Variants in ROCK2 observed in about 807,000 individuals in gnomAD.
ROCK2 encodes the protein Rho associated coiled-coil containing protein kinase 2, also known as rho-associated protein kinase 2.
In ROCK2, 61 loss-of-function variants were observed where a neutral mutation model predicts 195.1. That is an observed-to-expected ratio of 0.31 (90% CI 0.25 to 0.39). ROCK2 has a LOEUF of 0.39. Among genes scored for constraint, ROCK2 ranks in the 10% least tolerant of loss-of-function variants. The probability of loss-of-function intolerance (pLI) is 1.00; values close to 1 mark genes in which losing one functional copy is unlikely to be tolerated. For missense variants in ROCK2, 1,109 were observed against 1,637.4 expected (o/e 0.68, Z 5.57); for synonymous variants, 504 against 545.5 (o/e 0.92, Z 1.06).
intron 19 of ROCK2, 47 bp downstream of exon 19, chr2:11,208,240 A>AACTTC (rs4027164): frequency 8.7e-7 from 1 of 1,147,936 alleles, no homozygotes; most frequent in Non-Finnish European, 1.1e-6. Flanking sequence ...GAATAAACCT[A>AACTTC]TTAATTCATT....
Position 11,287,956 on chromosome 2 carries a change from C to T in ROCK2, c.142-220G>A, listed in dbSNP as rs138588276. Among the ~76,000 whole-genome samples, 1,076 of 152,230 alleles carry T rather than the reference C, an allele frequency of 7.1e-3. 15 individuals carry two copies. Among genetic ancestry groups the T allele is most frequent in the African/African-American group, 0.025 (1,018 of 41,536 alleles). The stretch of plus-strand genomic sequence containing the variant: ...CCTATCATGTTTTCCTGTGTTCTTT[C>T]GGCCAATGGAAAAATGTAATTTCAA... On this transcript the variant is annotated intron_variant, in intron 1 of 32. Coordinates refer to ENST00000315872, the MANE Select transcript of ROCK2 (RefSeq NM_004850.5).
chr2:11,286,755 A>G, intron 2 of ROCK2, 116 bp from the exon 3 acceptor site: 1 of 584,950 alleles, frequency 1.7e-6, no homozygotes, highest in Non-Finnish European at 2.8e-6. Context: ...TAAACTTGCC[A>G]GTTTTTAAAG....
In ROCK2 at chr2:11,183,238, T is replaced by C. The variant is rs1003060064; in HGVS notation, c.*199A>G. The C allele has an allele frequency of 6.0e-6, 3 of 497,632 alleles. No homozygotes were observed. The African/African-American group carries it at 6.1e-5, about 10-fold the overall frequency. 30.8% of individuals were successfully genotyped at this position (497,632 alleles called of 1,614,324 possible). ...TAGTCTATCAACCAATCATTGTTGG[T>C]TCAACCTGTTGCTTCAAAGGAGCCC... On this transcript the variant is annotated 3_prime_UTR_variant, in exon 33 of 33. Transcript: ENST00000315872.
At chr2:11,249,329 A>G (rs906149178) in intron 4 of ROCK2, among the ~76,000 whole-genome samples, 2 of 152,196 alleles carry the variant, frequency 1.3e-5, no homozygotes, top group Admixed American at 6.5e-5. Flanking sequence ...CAGATGATTC[A>G]ATGAATTTAC....
At position 11,287,751 on chromosome 2, in the gene ROCK2, A is replaced by G; in HGVS notation, c.142-15T>C. 1 of 1,108,042 alleles carries G rather than the reference A, an allele frequency of 9.0e-7. No homozygotes were observed. 68.6% of individuals were successfully genotyped at this position (1,108,042 alleles called of 1,614,324 possible). ...TTTAAGCCATCCTGTTAAGAAATAA[A>G]AAGAGGAAATGACAGTTTTTACAAT... On this transcript the variant is annotated splice_polypyrimidine_tract_variant and intron_variant, in intron 1 of 32. Transcript: ENST00000315872.
intron 2 of ROCK2, 75 bp from the exon 3 acceptor site, chr2:11,286,714 A>G (rs890875437): frequency 1.4e-5 from 13 of 919,928 alleles, no homozygotes; most frequent in Non-Finnish European, 2.1e-5. Flanking sequence ...TTATAAATAT[A>G]TTTTTGTTTC....
intron 1 of ROCK2, among the ~76,000 whole-genome samples, chr2:11,334,200 C>T (rs934567870): frequency 6.6e-6 from 1 of 152,128 alleles, no homozygotes; most frequent in African/African-American, 2.4e-5. Context: ...GATATTTCTA[C>T]AGGTTATCAC....
intron 1 of ROCK2, among the ~76,000 whole-genome samples, chr2:11,299,851 G>A (rs1478830893): frequency 6.6e-6 from 1 of 152,162 alleles, no homozygotes; most frequent in Non-Finnish European, 1.5e-5. Context: ...TTACCCAGGA[G>A]GCAACAGTTC....
At chr2:11,198,449 G>T in intron 25 of ROCK2, 42 bp downstream of exon 25, 1 of 1,349,732 alleles carries the variant, frequency 7.4e-7, no homozygotes, top group Middle Eastern at 2.5e-4. Context: ...GAGATAAACT[G>T]AGACAAAATT....
At position 11,192,431 on chromosome 2, in the gene ROCK2, G is replaced by A. The variant is rs200299225; in HGVS notation, c.3949+20C>T. The A allele has an allele frequency of 3.1e-6, 5 of 1,612,148 alleles. No individual in the cohort carries two copies. The highest frequency in any genetic ancestry group is 2.2e-5 in the East Asian group (1 of 44,860). ...TCTGAACATAACCAATATCGATGGAGCAAGTAATTTATCATTTACCTTTGC... is the reference window on the plus strand; with the variant it reads ...TCTGAACATAACCAATATCGATGGAACAAGTAATTTATCATTTACCTTTGC... On this transcript the variant is annotated intron_variant, in intron 31 of 32. Transcript: ENST00000315872. This position sits in a 1 kb window ranked among gnomAD's most constrained non-coding sequence, Gnocchi z 5.0.
At chr2:11,312,051 G>A (rs1668052406) in intron 1 of ROCK2, among the ~76,000 whole-genome samples, 1 of 152,102 alleles carries the variant, frequency 6.6e-6, no homozygotes, top group Non-Finnish European at 1.5e-5. Flanking sequence ...ACTAAAGTCA[G>A]ACACTAAAGA....
chr2:11,195,148 T>C, intron 27 of ROCK2, 123 bp from the exon 28 acceptor site: 1 of 530,970 alleles, frequency 1.9e-6, no homozygotes. Context: ...AATTTATCAC[T>C]ATACATCATC....
At chr2:11,193,482 T>A (rs952099413) in intron 30 of ROCK2, among the ~76,000 whole-genome samples, 1 of 151,836 alleles carries the variant, frequency 6.6e-6, no homozygotes, top group Non-Finnish European at 1.5e-5. Context: ...AATTCATGTT[T>A]AAAAAAAAGT....
At chr2:11,221,995 A>T (rs965286742) in intron 8 of ROCK2, 88 bp downstream of exon 8, 7 of 777,236 alleles carry the variant, frequency 9.0e-6, no homozygotes, top group African/African-American at 1.7e-5. Context: ...ATTAAGTGTT[A>T]TCAAATATGC....
intron 32 of ROCK2, among the ~76,000 whole-genome samples, chr2:11,189,908 T>C (rs1663350766): frequency 1.3e-5 from 2 of 151,904 alleles, no homozygotes; most frequent in Admixed American, 1.3e-4. Flanking sequence ...GGGAGAATAA[T>C]CAGTTGGGCC....
intron 1 of ROCK2, among the ~76,000 whole-genome samples, chr2:11,314,204 T>C (rs1253648344): frequency 6.6e-6 from 1 of 151,950 alleles, no homozygotes; most frequent in Non-Finnish European, 1.5e-5. Context: ...AATTTGTATT[T>C]CACAGTAATA....
chr2:11,317,582 A>ATCTATATATATATATATATC (rs1167098221), intron 1 of ROCK2, among the ~76,000 whole-genome samples: 2 of 11,422 alleles, frequency 1.8e-4, no homozygotes, highest in African/African-American at 5.8e-4. Flanking sequence ...ACATTTATAT[A>ATCTATATATATATATATATC]TATATATATA....
chr2:11,344,759 C>G (rs1304720856), upstream of ROCK2, among the ~76,000 whole-genome samples: 1 of 149,964 alleles, frequency 6.7e-6, no homozygotes, highest in East Asian at 1.9e-4. This position sits in a 1 kb window ranked among gnomAD's most constrained non-coding sequence, Gnocchi z 5.4. Flanking sequence ...CCCTTTCTTT[C>G]CCTTCCTGCG....
chr2:11,205,831 G>A (rs1047034892), intron 20 of ROCK2, among the ~76,000 whole-genome samples: 25 of 152,012 alleles, frequency 1.6e-4, no homozygotes, highest in African/African-American at 1.7e-4. Context: ...ATTGGGGGCC[G>A]GGCACAGTGG....
Sources: gnomAD v4.1 joint callset for allele counts (sites outside exome capture counted in the v4.1 genomes callset) on GRCh38, gnomAD v4.1.1 for gene constraint, Gnocchi (gnomAD v3.1) non-coding constraint, MANE v1.5 for transcripts, NCBI Gene and HGNC (gene_info 2026-07-23, HGNC 2026-07-21) for gene names.